The following NOS1AP variants were observed in gnomAD, a reference collection of about 807,000 sequenced individuals.
The protein encoded by NOS1AP is nitric oxide synthase 1 adaptor protein.
In NOS1AP, 21 loss-of-function variants were observed where a neutral mutation model predicts 56.2. That is an observed-to-expected ratio of 0.37 (90% confidence interval 0.26 to 0.54). The LOEUF (loss-of-function observed/expected upper bound fraction) is 0.54. Among genes scored for constraint, NOS1AP ranks in the 20% least tolerant of loss-of-function variants. The pLI is 0.84. For missense variants in NOS1AP, 522 were observed against 657.8 expected (o/e 0.79, Z 2.26); for synonymous variants, 270 against 274.6 (o/e 0.98, Z 0.17).
intron 1 of NOS1AP, 71 bp from the exon 2 acceptor site, chr1:162,154,334 C>T (rs1355148096): frequency 1.4e-6 from 2 of 1,414,058 alleles, no homozygotes; most frequent in Non-Finnish European, 2.0e-6. Context: ...GTCCTTTACC[C>T]TTTGGAACTT....
intron 1 of NOS1AP, among the ~76,000 whole-genome samples, chr1:162,125,397 G>A (rs1006760206): frequency 1.3e-5 from 2 of 152,150 alleles, no homozygotes; most frequent in Admixed American, 6.5e-5. Flanking sequence ...GCCTCCCAAA[G>A]TGCTAGGATT....
At chr1:162,297,479 C>T (rs996147546) in intron 3 of NOS1AP, among the ~76,000 whole-genome samples, 2 of 152,154 alleles carry the variant, frequency 1.3e-5, no homozygotes, top group South Asian at 2.1e-4. Context: ...CAGGGGACCT[C>T]CCTGTGCCAG....
intron 1 of NOS1AP, among the ~76,000 whole-genome samples, chr1:162,105,988 G>A (rs924709935): frequency 6.6e-6 from 1 of 152,168 alleles, no homozygotes; most frequent in African/African-American, 2.4e-5. Context: ...CTCCCACCTT[G>A]CCATGGATGC....
intron 4 of NOS1AP, among the ~76,000 whole-genome samples, chr1:162,308,433 G>A (rs1655917045): frequency 6.6e-6 from 1 of 152,184 alleles, no homozygotes; most frequent in South Asian, 2.1e-4. Flanking sequence ...GAGAGAGTTA[G>A]AGCATCACTG....
chr1:162,070,909 A>G (rs1691646584), intron 1 of NOS1AP, among the ~76,000 whole-genome samples: 4 of 152,110 alleles, frequency 2.6e-5, no homozygotes, highest in African/African-American at 7.2e-5. Flanking sequence ...AGCATCTAGT[A>G]GGGAACTGTT....
At chr1:162,337,898 G>C (rs191723826) in intron 5 of NOS1AP, among the ~76,000 whole-genome samples, 264 of 152,254 alleles carry the variant, frequency 1.7e-3, no homozygotes, top group African/African-American at 6.1e-3. Flanking sequence ...CCATTTCAGA[G>C]CCTTAGTACT....
Position 162,367,531 on chromosome 1 carries a change from G to T in NOS1AP, c.*64G>T. 1.3e-6 allele frequency: 2 copies of T among 1,481,964 alleles called. No homozygotes were observed. The highest frequency in any genetic ancestry group is 2.1e-5 in the Admixed American group (1 of 48,748). The allele number at this position is 1,481,964 out of a possible 1,614,324, so 91.8% of individuals were successfully genotyped here. A position where few individuals can be genotyped will look rare whatever the true frequency, so the allele number is the denominator to read the frequency against. On this transcript the variant is annotated 3_prime_UTR_variant, in exon 10 of 10. Transcript: ENST00000361897. This position sits in a 1 kb window ranked among gnomAD's most constrained non-coding sequence, Gnocchi z 6.5. ...GAGGGGCCGTGTCTGGCTGCTGCCC[G>T]GGTAGGGGATGCCCAGTGAATGTGC...
At chr1:162,176,460 G>C (rs1651062967) in intron 2 of NOS1AP, among the ~76,000 whole-genome samples, 1 of 147,334 alleles carries the variant, frequency 6.8e-6, no homozygotes, top group Admixed American at 6.8e-5. Flanking sequence ...TCACTTAGCA[G>C]TATGTACTTA....
At chr1:162,125,095 C>T (rs1319194642) in intron 1 of NOS1AP, among the ~76,000 whole-genome samples, 2 of 150,436 alleles carry the variant, frequency 1.3e-5, no homozygotes, top group African/African-American at 2.5e-5. Context: ...GTTCCCTTTA[C>T]ACCACATCCA....
At chr1:162,107,376 T>A (rs1647553002) in intron 1 of NOS1AP, among the ~76,000 whole-genome samples, 1 of 152,210 alleles carries the variant, frequency 6.6e-6, no homozygotes, top group South Asian at 2.1e-4. Context: ...TCCTCTGTCA[T>A]TCAGGCTGGA....
At chr1:162,089,234 A>G (rs575416333) in intron 1 of NOS1AP, among the ~76,000 whole-genome samples, 43 of 152,320 alleles carry the variant, frequency 2.8e-4, no homozygotes, top group Admixed American at 7.2e-4. Context: ...GATATTTCCA[A>G]TATCTTAACT....
At chr1:162,269,213 G>A (rs1654513267) in intron 2 of NOS1AP, among the ~76,000 whole-genome samples, 1 of 152,132 alleles carries the variant, frequency 6.6e-6, no homozygotes, top group African/African-American at 2.4e-5. Flanking sequence ...GAGTTTGAGA[G>A]CCATCAGTCA....
intron 2 of NOS1AP, among the ~76,000 whole-genome samples, chr1:162,223,507 G>A (rs1254821427): frequency 6.6e-6 from 1 of 152,172 alleles, no homozygotes; most frequent in Non-Finnish European, 1.5e-5. Context: ...ATAATGTTTG[G>A]AGGAATGTCT....
chr1:162,182,245 AATGT>A lies in NOS1AP; in HGVS notation c.177+27770_177+27773del, dbSNP rs200681157. Among the ~76,000 whole-genome samples the A allele has an allele frequency of 4.4e-3, 676 of 152,274 alleles. 6 individuals are homozygous for A. Among genetic ancestry groups the A allele is most frequent in the African/African-American group, 0.015 (635 of 41,538 alleles). On this transcript the variant is annotated intron_variant, in intron 2 of 9. Transcript: ENST00000361897. ...CACTGTGCAGGGTACTTTCATACAT[AATGT>A]CATTGAACCTTATAATCGGTCACAA...
chr1:162,258,515 G>A (rs1034750115), intron 2 of NOS1AP, among the ~76,000 whole-genome samples: 9 of 152,008 alleles, frequency 5.9e-5, no homozygotes, highest in African/African-American at 1.7e-4. Flanking sequence ...TTGGTTTCTC[G>A]CATTGACACG....
intron 2 of NOS1AP, among the ~76,000 whole-genome samples, chr1:162,254,713 G>A (rs1172073054): frequency 6.6e-6 from 1 of 152,194 alleles, no homozygotes; most frequent in Non-Finnish European, 1.5e-5. Flanking sequence ...ATACTTTATA[G>A]TATGCCATAG....
At chr1:162,334,665 C>T (rs1278905923) in intron 5 of NOS1AP, among the ~76,000 whole-genome samples, 3 of 152,158 alleles carry the variant, frequency 2.0e-5, no homozygotes, top group Non-Finnish European at 2.9e-5. Flanking sequence ...ACTTTAGTTT[C>T]GTACAAAGAC....
intron 2 of NOS1AP, among the ~76,000 whole-genome samples, chr1:162,189,498 G>A (rs1651549727): frequency 1.3e-5 from 2 of 152,162 alleles, no homozygotes; most frequent in South Asian, 2.1e-4. Context: ...GACTGTGCTT[G>A]GTGTTTCAAC....
chr1:162,320,891 A>G (rs1275809795), intron 4 of NOS1AP, among the ~76,000 whole-genome samples: 1 of 152,112 alleles, frequency 6.6e-6, no homozygotes, highest in African/African-American at 2.4e-5. Context: ...TAAAAAAGTA[A>G]TTGGAAATCA....
Sources: gnomAD v4.1 joint callset for allele counts (sites outside exome capture counted in the v4.1 genomes callset) on GRCh38, gnomAD v4.1.1 for gene constraint, Gnocchi (gnomAD v3.1) non-coding constraint, MANE v1.5 for transcripts, NCBI Gene and HGNC (gene_info 2026-07-23, HGNC 2026-07-21) for gene names.